Variants in SEMA3E observed in about 807,000 individuals in gnomAD.
SEMA3E encodes semaphorin-3E.
In SEMA3E, 49 loss-of-function variants were observed where a neutral mutation model predicts 93.6. The ratio of observed to expected loss-of-function variants is 0.52; its 90% CI spans 0.42 to 0.66. SEMA3E has a LOEUF of 0.66. SEMA3E is among the 30% of genes least tolerant of loss of function. The pLI, the probability that SEMA3E is intolerant of heterozygous loss-of-function variation, is 0.00. For synonymous variants in SEMA3E, 363 were observed against 330.7 expected (o/e 1.10, Z -1.06); for missense variants, 906 against 964.8 (o/e 0.94, Z 0.81).
intron 1 of SEMA3E, among the ~76,000 whole-genome samples, chr7:83,508,162 A>G (rs549091649): frequency 6.6e-6 from 1 of 152,246 alleles, no homozygotes; most frequent in African/African-American, 2.4e-5. Context: ...TTATACCTGA[A>G]TTGTTAAATG....
chr7:83,429,002 G>C (rs1303232550), intron 4 of SEMA3E, among the ~76,000 whole-genome samples: 1 of 152,130 alleles, frequency 6.6e-6, no homozygotes, highest in Non-Finnish European at 1.5e-5. Flanking sequence ...TGTAGTTGGA[G>C]AGGAGTATAT....
chr7:83,606,433 T>TA (rs1283237694), intron 1 of SEMA3E, among the ~76,000 whole-genome samples: 106 of 151,234 alleles, frequency 7.0e-4, no homozygotes, highest in African/African-American at 2.4e-3. Flanking sequence ...TATGCAGCCA[T>TA]AAAAAATGAT....
At chr7:83,528,723 T>C (rs533675727) in intron 1 of SEMA3E, among the ~76,000 whole-genome samples, 1 of 152,098 alleles carries the variant, frequency 6.6e-6, no homozygotes, top group Non-Finnish European at 1.5e-5. Context: ...AAATAAAATA[T>C]AATCTAGTTA....
chr7:83,460,092 G>T (rs1169034348), intron 4 of SEMA3E, among the ~76,000 whole-genome samples: 1 of 152,166 alleles, frequency 6.6e-6, no homozygotes, highest in Admixed American at 6.5e-5. Context: ...AGCCTGTTTG[G>T]TGGTCTCTTC....
intron 1 of SEMA3E, among the ~76,000 whole-genome samples, chr7:83,619,396 A>C (rs371016476): frequency 7.9e-5 from 12 of 151,932 alleles, no homozygotes; most frequent in Non-Finnish European, 1.6e-4. Flanking sequence ...AAAACAAAAA[A>C]CATCGTGTTG....
chr7:83,376,406 T>C (rs1794823467), intron 16 of SEMA3E, among the ~76,000 whole-genome samples: 1 of 152,090 alleles, frequency 6.6e-6, no homozygotes, highest in Non-Finnish European at 1.5e-5. Flanking sequence ...ATTTGTGCAC[T>C]CCATTTTTCA....
chr7:83,372,359 A>G, intron 16 of SEMA3E: 5 of 397,702 alleles, frequency 1.3e-5, no homozygotes. Flanking sequence ...ATCTCCTGTG[A>G]GAGTGAATAA....
intron 4 of SEMA3E, among the ~76,000 whole-genome samples, chr7:83,420,003 C>T (rs978240881): frequency 2.0e-5 from 3 of 152,078 alleles, no homozygotes; most frequent in Admixed American, 6.6e-5. Flanking sequence ...AGAAGTCAAA[C>T]GATCTCTCTT....
chr7:83,471,123 G>C (rs2722986), intron 2 of SEMA3E, among the ~76,000 whole-genome samples: 103,163 of 151,470 alleles, frequency 0.68, 36,782 homozygotes, highest in Non-Finnish European at 0.79. Context: ...GGGCTAATTA[G>C]CATAAGATGC....
intron 1 of SEMA3E, among the ~76,000 whole-genome samples, chr7:83,619,885 TGATAGATAGATAGATAGACAGATA>T: frequency 7.9e-6 from 1 of 126,848 alleles, no homozygotes; most frequent in African/African-American, 3.0e-5. Context: ...GATAGATAGA[TGATAGATAGATAGATAGACAGATA>T]GATAGATAGA....
chr7:83,410,904 G>A (rs62460798), intron 5 of SEMA3E, among the ~76,000 whole-genome samples: 28,350 of 151,956 alleles, frequency 0.19, 3,092 homozygotes, highest in Middle Eastern at 0.3. Context: ...AATTTATTTC[G>A]CTACTGTGGG....
intron 2 of SEMA3E, among the ~76,000 whole-genome samples, chr7:83,472,135 G>A (rs962636234): frequency 6.6e-6 from 1 of 152,096 alleles, no homozygotes; most frequent in Non-Finnish European, 1.5e-5. Flanking sequence ...TTTTGGATCT[G>A]TGTAAGAAAA....
Position 83,418,420 on chromosome 7 carries a change from G to A in SEMA3E, c.520C>T (p.Pro174Ser), listed in dbSNP as rs1441322114. ...ERGRGRCPFD[P>S]SSSFISTLIG... ...AAAGTGGAGATGAAGGAGGAGCTGG[G>A]GTCAAAAGGACATCTGCCCCTTCCT... The change falls in exon 5 of 17, where the codon CCC becomes TCC. Residue 174 changes from proline to serine, a missense_variant. Pro to Ser is a moderately conservative substitution (Grantham distance 74). Coordinates refer to ENST00000643230, the MANE Select transcript of SEMA3E (RefSeq NM_012431.3). The A allele has an allele frequency of 7.4e-6, 12 of 1,611,748 alleles. No homozygotes were observed. The highest frequency in any genetic ancestry group is 1.0e-5 in the Non-Finnish European group (12 of 1,178,866).
intron 2 of SEMA3E, among the ~76,000 whole-genome samples, chr7:83,476,759 C>T (rs556918057): frequency 1.3e-5 from 2 of 152,222 alleles, no homozygotes; most frequent in East Asian, 1.9e-4. Flanking sequence ...TTAGCATCAA[C>T]AAAACCCCAT....
chr7:83,399,602 A>G (rs954677104), intron 11 of SEMA3E, among the ~76,000 whole-genome samples: 1 of 152,172 alleles, frequency 6.6e-6, no homozygotes, highest in Non-Finnish European at 1.5e-5. Flanking sequence ...CTCTACTTCC[A>G]CTATGAGAAC....
chr7:83,423,705 G>A (rs1263358132), intron 4 of SEMA3E, among the ~76,000 whole-genome samples: 1 of 150,082 alleles, frequency 6.7e-6, no homozygotes, highest in East Asian at 2.0e-4. Context: ...TAGAGACAGA[G>A]TTTCACCATG....
intron 1 of SEMA3E, among the ~76,000 whole-genome samples, chr7:83,551,717 GATCAATAATA>G (rs1386758722): frequency 1.3e-5 from 2 of 152,084 alleles, no homozygotes; most frequent in Non-Finnish European, 2.9e-5. Flanking sequence ...TATAAAATAT[GATCAATAATA>G]ATCTTGGAGC....
chr7:83,452,149 CTGTGTGTG>C (rs993112369), intron 4 of SEMA3E, among the ~76,000 whole-genome samples: 1 of 145,292 alleles, frequency 6.9e-6, no homozygotes, highest in Non-Finnish European at 1.5e-5. Context: ...GTGTGTGTGT[CTGTGTGTG>C]TGTGTATGAA....
chr7:83,500,570 ACATCTAT>A (rs971903399), intron 1 of SEMA3E, among the ~76,000 whole-genome samples: 19 of 149,994 alleles, frequency 1.3e-4, no homozygotes, highest in Middle Eastern at 3.3e-3. Context: ...CATCATCTAT[ACATCTAT>A]CTAACTTTCT....
Sources: allele counts gnomAD v4.1 joint callset (sites outside exome capture counted in the v4.1 genomes callset), GRCh38; gene constraint gnomAD v4.1.1; transcripts MANE v1.5; gene names NCBI Gene and HGNC (gene_info 2026-07-23, HGNC 2026-07-21).